Variants in RANBP17 observed in about 807,000 individuals in gnomAD.
The protein encoded by RANBP17 is RAN binding protein 17, also known as ran-binding protein 17.
In RANBP17, 158 loss-of-function variants were observed where a neutral mutation model predicts 141.2. The observed-to-expected ratio is 1.12, with a 90% CI of 0.98 to 1.28. The LOEUF is 1.28. Ranked by LOEUF, RANBP17 falls within the 50% of genes most tolerant of loss-of-function variation. The pLI is 0.00. For missense variants in RANBP17, 1,438 were observed against 1,290.7 expected (o/e 1.11, Z -1.75); for synonymous variants, 430 against 450.0 (o/e 0.96, Z 0.56).
chr5:171,150,341 A>T (rs1758382153), intron 14 of RANBP17, among the ~76,000 whole-genome samples: 1 of 152,076 alleles, frequency 6.6e-6, no homozygotes, highest in Non-Finnish European at 1.5e-5. Flanking sequence ...AAATTGTCTA[A>T]ATAGGTACTT....
chr5:170,885,888 C>T (rs3849705), intron 3 of RANBP17, among the ~76,000 whole-genome samples: 126,102 of 148,794 alleles, frequency 0.85, 53,537 homozygotes, highest in East Asian at 1. Context: ...TTTTTTGCCA[C>T]ATCCACAGTC....
At chr5:170,979,232 A>G (rs1476821098) in intron 14 of RANBP17, among the ~76,000 whole-genome samples, 1 of 152,232 alleles carries the variant, frequency 6.6e-6, no homozygotes, top group Non-Finnish European at 1.5e-5. Flanking sequence ...TAGTTCAACC[A>G]TATCTGTAAT....
intron 14 of RANBP17, among the ~76,000 whole-genome samples, chr5:171,011,086 A>G (rs1780004295): frequency 6.6e-6 from 1 of 152,124 alleles, no homozygotes; most frequent in Admixed American, 6.6e-5. Flanking sequence ...CAAAAACCTG[A>G]CAAGGGCATT....
chr5:171,240,881 T>A (rs1202737222), intron 22 of RANBP17, 47 bp from the exon 23 acceptor site: 1 of 1,286,056 alleles, frequency 7.8e-7, no homozygotes, highest in Non-Finnish European at 1.1e-6. Flanking sequence ...CATAACTACT[T>A]TGAATGACAT....
intron 9 of RANBP17, 23 bp from the exon 10 acceptor site, chr5:170,918,690 T>C (rs543239769): frequency 4.1e-5 from 65 of 1,577,446 alleles, no homozygotes; most frequent in Non-Finnish European, 5.6e-5. Flanking sequence ...TTTTTAAGCC[T>C]TTCTTTTTGT....
At chr5:171,164,003 T>C (rs1056893723) in intron 14 of RANBP17, among the ~76,000 whole-genome samples, 3 of 152,172 alleles carry the variant, frequency 2.0e-5, no homozygotes, top group African/African-American at 7.2e-5. Context: ...ATCCAAAATC[T>C]TAATTCATTA....
intron 22 of RANBP17, among the ~76,000 whole-genome samples, chr5:171,227,104 T>G (rs1355724590): frequency 6.6e-6 from 1 of 152,182 alleles, no homozygotes; most frequent in Non-Finnish European, 1.5e-5. Flanking sequence ...CTACAAGTAT[T>G]CAAGTGAAAG....
intron 18 of RANBP17, among the ~76,000 whole-genome samples, chr5:171,189,752 GCGTTGTTGAA>G (rs1761503178): frequency 6.6e-6 from 1 of 152,184 alleles, no homozygotes; most frequent in Non-Finnish European, 1.5e-5. Flanking sequence ...GATTTGTTGA[GCGTTGTTGAA>G]CACAGTTTTT....
chr5:170,924,330 G>C, intron 11 of RANBP17, 27 bp from the exon 12 acceptor site: 1 of 1,463,168 alleles, frequency 6.8e-7, no homozygotes, highest in South Asian at 1.3e-5. Flanking sequence ...TTCTAATGTT[G>C]TCTGCAAACT....
intron 22 of RANBP17, 111 bp from the exon 23 acceptor site, chr5:171,240,817 T>C (rs1420093103): frequency 3.1e-6 from 2 of 646,892 alleles, no homozygotes; most frequent in Admixed American, 2.7e-5. Context: ...CTTAAAAATA[T>C]GCTGGGAGGA....
intron 13 of RANBP17, among the ~76,000 whole-genome samples, chr5:170,963,492 G>A (rs1179790650): frequency 6.6e-6 from 1 of 152,196 alleles, no homozygotes; most frequent in East Asian, 1.9e-4. Context: ...ACATTATAAA[G>A]CAGTAGGCCC....
chr5:171,077,511 G>A (rs116563492), intron 14 of RANBP17, among the ~76,000 whole-genome samples: 164 of 152,060 alleles, frequency 1.1e-3, no homozygotes, highest in African/African-American at 3.7e-3. Flanking sequence ...ATTTAAAATC[G>A]CCCTAAAAGA....
intron 14 of RANBP17, among the ~76,000 whole-genome samples, chr5:171,065,060 C>G (rs1203326552): frequency 6.8e-6 from 1 of 148,012 alleles, no homozygotes; most frequent in Non-Finnish European, 1.5e-5. Flanking sequence ...AGTTAGGAAC[C>G]CTTTCCTTAC....
intron 24 of RANBP17, among the ~76,000 whole-genome samples, chr5:171,253,166 T>C (rs1490377248): frequency 6.6e-6 from 1 of 152,208 alleles, no homozygotes; most frequent in Non-Finnish European, 1.5e-5. Flanking sequence ...TCACAGTAGT[T>C]GATTTATTTG....
chr5:171,228,375 T>C (rs1353588901), intron 22 of RANBP17, among the ~76,000 whole-genome samples: 1 of 152,184 alleles, frequency 6.6e-6, no homozygotes, highest in African/African-American at 2.4e-5. Context: ...AGACCTATAA[T>C]TAGAAGTGGA....
rs780561851 is a variant in RANBP17 at position 171,086,748 on chromosome 5, C to T, written c.1711-83382C>T. ...TCTTCTAGATTTTCTAGTTTATTTGCGTAGAGGTGTTTGTAGTATTCCCTG... is the reference window on the plus strand; with the variant it reads ...TCTTCTAGATTTTCTAGTTTATTTGTGTAGAGGTGTTTGTAGTATTCCCTG... On this transcript the variant is annotated intron_variant, in intron 14 of 27. Transcript: ENST00000523189. Among the ~76,000 whole-genome samples the T allele has an allele frequency of 8.7e-3, 1,284 of 148,396 alleles. 11 individuals are homozygous for T. Among genetic ancestry groups the T allele is most frequent in the Non-Finnish European group, 0.012 (823 of 66,430 alleles).
intron 14 of RANBP17, among the ~76,000 whole-genome samples, chr5:170,974,338 C>T (rs1269226285): frequency 6.6e-6 from 1 of 152,178 alleles, no homozygotes; most frequent in African/African-American, 2.4e-5. Flanking sequence ...AATGACAGGT[C>T]TTGAACACGT....
Position 170,990,272 on chromosome 5 carries a change from C to T in RANBP17, c.1710+21895C>T, listed in dbSNP as rs548202380. On this transcript the variant is annotated intron_variant, in intron 14 of 27. Transcript: ENST00000523189. ...TTTATTAGATTCCCACTGATTTCAG[C>T]GAAAGTTGTGGCTTACTATATTTCT... 5.6e-4 allele frequency among the ~76,000 whole-genome samples: 85 copies of T among 151,940 alleles called. 1 individual carries two copies. The highest frequency in any genetic ancestry group is 2.9e-3 in the South Asian group (14 of 4,826).
chr5:171,259,954 C>T (rs1766180878), intron 24 of RANBP17, among the ~76,000 whole-genome samples: 1 of 151,644 alleles, frequency 6.6e-6, no homozygotes, highest in Non-Finnish European at 1.5e-5. Flanking sequence ...GCACTGCAAC[C>T]TGGGCAACAG....
Sources: gnomAD v4.1 joint callset for allele counts (sites outside exome capture counted in the v4.1 genomes callset) on GRCh38, gnomAD v4.1.1 for gene constraint, MANE v1.5 for transcripts, NCBI Gene and HGNC (gene_info 2026-07-23, HGNC 2026-07-21) for gene names.